Variants in RFX7 observed in about 807,000 individuals in gnomAD.
RFX7 encodes DNA-binding protein RFX7.
RFX7 carries 26 observed loss-of-function variants against 111.8 expected under a neutral mutation model. That is an observed-to-expected ratio of 0.23 (90% CI 0.17 to 0.32). RFX7 has a LOEUF of 0.32. Among genes scored for constraint, RFX7 ranks in the 10% least tolerant of loss-of-function variants. The pLI is 1.00. For missense variants in RFX7, 1,573 were observed against 1,772.9 expected, an observed-to-expected ratio of 0.89 and a Z score of 2.02; for synonymous variants, 624 against 624.4, an observed-to-expected ratio of 1.00 and a Z score of 0.01.
At chr15:56,210,833 T>C (rs189240663) in intron 2 of RFX7, among the ~76,000 whole-genome samples, 7 of 152,094 alleles carry the variant, frequency 4.6e-5, no homozygotes, top group Admixed American at 2.0e-4. Context: ...TGAATACATA[T>C]ATTAGAAAAG....
chr15:56,138,512 T>C (rs2042339749), intron 5 of RFX7, among the ~76,000 whole-genome samples: 5 of 149,364 alleles, frequency 3.3e-5, no homozygotes, highest in Admixed American at 3.3e-4. Flanking sequence ...TGTGTGTCTC[T>C]GCACGTGAGA....
At chr15:56,206,662 G>A (rs2043255599) in intron 2 of RFX7, among the ~76,000 whole-genome samples, 2 of 151,900 alleles carry the variant, frequency 1.3e-5, no homozygotes, top group Admixed American at 1.3e-4. Flanking sequence ...GTATTATTCA[G>A]CCATAAAAAA....
chr15:56,154,536 T>G (rs1277434726), intron 3 of RFX7, among the ~76,000 whole-genome samples: 1 of 152,198 alleles, frequency 6.6e-6, no homozygotes, highest in East Asian at 1.9e-4. Context: ...GGGGAAAGGA[T>G]TCCCTATTTA....
chr15:56,090,861 T>C lies in RFX7; in HGVS notation c.*2484A>G, dbSNP rs980583382. On this transcript the variant is annotated 3_prime_UTR_variant, in exon 10 of 10. Coordinates refer to ENST00000559447, the MANE Select transcript of RFX7 (RefSeq NM_022841.7). ...CTTATTGCAATTATATGCAAAATTATTTACTTCATGAAGTTTTATGATAAA... is the reference window on the plus strand; with the variant it reads ...CTTATTGCAATTATATGCAAAATTACTTACTTCATGAAGTTTTATGATAAA... The C allele has an allele frequency of 2.0e-5, 3 of 152,622 alleles. No individual in the cohort carries two copies. Among genetic ancestry groups the C allele is most frequent in the Admixed American group, 1.3e-4 (2 of 15,276 alleles). The allele number at this position is 152,622 out of a possible 1,614,324, so 9.5% of individuals were successfully genotyped here.
At chr15:56,123,836 C>T (rs2042107928) in intron 5 of RFX7, among the ~76,000 whole-genome samples, 1 of 152,174 alleles carries the variant, frequency 6.6e-6, no homozygotes, top group Admixed American at 6.5e-5. Context: ...GTTGGCGGCA[C>T]TGAGTTCCAA....
At chr15:56,167,683 A>G (rs965100457) in intron 3 of RFX7, among the ~76,000 whole-genome samples, 16 of 152,364 alleles carry the variant, frequency 1.1e-4, no homozygotes, top group Middle Eastern at 6.8e-3. Flanking sequence ...ATGCTACTAC[A>G]AATATTTTCA....
rs2043759047 is a variant in RFX7, at chr15:56,243,816, G to T, written c.-374C>A. Reference sequence around the variant, plus strand: ...CCGCCGCCGCCGCCGCTCGCTCCCGGCCCCGCCGCCGCCGCGGCCGCCGCT... The same window carrying T: ...CCGCCGCCGCCGCCGCTCGCTCCCGTCCCCGCCGCCGCCGCGGCCGCCGCT... On this transcript the variant is annotated 5_prime_UTR_variant, in exon 1 of 10. Transcript: ENST00000559447. 6.8e-6 allele frequency among the ~76,000 whole-genome samples: 1 copy of T among 146,744 alleles called. No individual in the cohort carries two copies.
chr15:56,196,172 G>T (rs1255597704), intron 2 of RFX7, among the ~76,000 whole-genome samples: 3 of 151,898 alleles, frequency 2.0e-5, no homozygotes, highest in Non-Finnish European at 4.4e-5. Context: ...AAGTTATAAA[G>T]AATAATATAA....
rs1212911173 is a variant in RFX7 at position 56,243,741 on chromosome 15, C to T, written c.-299G>A. Among the ~76,000 whole-genome samples, 1 of 151,128 alleles carries T rather than the reference C, an allele frequency of 6.6e-6. No homozygotes were observed. The highest frequency in any genetic ancestry group is 1.5e-5 in the Non-Finnish European group (1 of 67,696). ...TCCCCGGGGCTTTCTACTGCCGGGT[C>T]CCCGTGCTGCTGCAGCCCCAGGCAC... On this transcript the variant is annotated 5_prime_UTR_variant, in exon 1 of 10. Coordinates refer to ENST00000559447, the MANE Select transcript of RFX7 (RefSeq NM_022841.7).
At chr15:56,177,554 T>C (rs963171492) in intron 3 of RFX7, among the ~76,000 whole-genome samples, 9 of 152,150 alleles carry the variant, frequency 5.9e-5, no homozygotes, top group African/African-American at 1.9e-4. Context: ...ATGTAAACAT[T>C]TCTGAACTCT....
chr15:56,113,768 T>C (rs2041970076), intron 5 of RFX7, among the ~76,000 whole-genome samples: 1 of 152,180 alleles, frequency 6.6e-6, no homozygotes, highest in South Asian at 2.1e-4. Flanking sequence ...AATTATCAAT[T>C]TTCCATTAAA....
At chr15:56,101,089 G>C (rs1195760432) in intron 8 of RFX7, among the ~76,000 whole-genome samples, 3 of 151,944 alleles carry the variant, frequency 2.0e-5, no homozygotes, top group Non-Finnish European at 4.4e-5. Context: ...AAGTAGCAAT[G>C]GAAAAATTAA....
At chr15:56,163,332 T>C (rs926817985) in intron 3 of RFX7, among the ~76,000 whole-genome samples, 15 of 152,258 alleles carry the variant, frequency 9.9e-5, no homozygotes, top group African/African-American at 3.6e-4. Context: ...TGTCACCTCT[T>C]AGAAGGCCCC....
intron 2 of RFX7, among the ~76,000 whole-genome samples, chr15:56,186,529 T>C (rs2043040066): frequency 6.6e-6 from 1 of 152,018 alleles, no homozygotes. Flanking sequence ...ATGTCCGGAG[T>C]GTGGGGTGAA....
intron 5 of RFX7, among the ~76,000 whole-genome samples, chr15:56,121,721 T>A (rs1215496047): frequency 6.6e-6 from 1 of 152,154 alleles, no homozygotes; most frequent in Non-Finnish European, 1.5e-5. Context: ...CTTTTTTTTA[T>A]TGTTTTTTTG....
In RFX7 at chr15:56,093,248, C is replaced by G; in HGVS notation, c.*97G>C. 1 of 1,106,512 alleles carries G rather than the reference C, an allele frequency of 9.0e-7. No individual in the cohort carries two copies. Among genetic ancestry groups the G allele is most frequent in the Non-Finnish European group, 1.3e-6 (1 of 798,564 alleles). 68.5% of individuals were successfully genotyped at this position (1,106,512 alleles called of 1,614,324 possible). ...TGCAGCAAACGCTTTTAAAATGTCACAATTAATAGTATTTCTGCTGCGGGA... is the reference window on the plus strand; with the variant it reads ...TGCAGCAAACGCTTTTAAAATGTCAGAATTAATAGTATTTCTGCTGCGGGA... On this transcript the variant is annotated 3_prime_UTR_variant, in exon 10 of 10. Transcript: ENST00000559447.
At chr15:56,228,769 C>G (rs1036584936) in intron 2 of RFX7, among the ~76,000 whole-genome samples, 1 of 152,060 alleles carries the variant, frequency 6.6e-6, no homozygotes, top group Non-Finnish European at 1.5e-5. Context: ...AGTAGTCCCC[C>G]CTCATTCTCG....
intron 3 of RFX7, among the ~76,000 whole-genome samples, chr15:56,162,124 T>C (rs1242435664): frequency 6.6e-6 from 1 of 152,090 alleles, no homozygotes; most frequent in African/African-American, 2.4e-5. Context: ...TGTTTTTAAC[T>C]TTTTTCAGCA....
intron 2 of RFX7, among the ~76,000 whole-genome samples, chr15:56,229,276 G>GT (rs1242170345): frequency 6.6e-6 from 1 of 152,024 alleles, no homozygotes; most frequent in Non-Finnish European, 1.5e-5. Flanking sequence ...TTGTTGTTTT[G>GT]TTTTTTTGAG....
Sources: allele counts gnomAD v4.1 joint callset (sites outside exome capture counted in the v4.1 genomes callset), GRCh38; gene constraint gnomAD v4.1.1; transcripts MANE v1.5; gene names NCBI Gene and HGNC (gene_info 2026-07-23, HGNC 2026-07-21).